Variants in CPT1A observed in about 807,000 individuals in gnomAD.
CPT1A encodes carnitine palmitoyltransferase 1A.
CPT1A carries 64 observed loss-of-function variants against 100.8 expected under a neutral mutation model. The observed-to-expected ratio is 0.63, with a 90% CI of 0.52 to 0.78. The LOEUF is 0.78. Among genes scored for constraint, CPT1A ranks in the 30% least tolerant of loss-of-function variants. The pLI is 0.00. For synonymous variants in CPT1A, 363 were observed against 396.0 expected (o/e 0.92, Z 0.99); for missense variants, 802 against 1,034.1 (o/e 0.78, Z 3.08).
At chr11:68,839,609 A>G (rs1857111401) in intron 1 of CPT1A, 1 of 985,380 alleles carries the variant, frequency 1.0e-6, no homozygotes, top group Non-Finnish European at 1.2e-6. Context: ...CTCGGTGCTC[A>G]GTGCTTCTGA....
intron 1 of CPT1A, among the ~76,000 whole-genome samples, chr11:68,832,973 C>T (rs1344581576): frequency 1.3e-5 from 2 of 152,184 alleles, no homozygotes; most frequent in Admixed American, 6.5e-5. Context: ...GTGTCTCTGG[C>T]GAAGGGCAGG....
At position 68,775,361 on chromosome 11, in the gene CPT1A, C is replaced by T. The variant is rs141303589; in HGVS notation, c.1530G>A (p.Pro510=). The T allele has an allele frequency of 1.7e-5, 28 of 1,614,206 alleles. No homozygotes were observed. The highest frequency in any genetic ancestry group is 3.3e-4 in the Middle Eastern group (2 of 6,062). ...EDGHCKGDIN[P]NIPYPTRLQW... ...GCAGCCTGGTGGGGTACGGAATGTT[C>T]GGATTGATGTCGCCTTTGCAGTGCC... Residue 510 remains proline (P), a synonymous_variant, in exon 13 of 19, where the codon CCG becomes CCA. Transcript: ENST00000265641.
rs182786590 is a variant in CPT1A, at chr11:68,766,087, T to G, written c.1741-3326A>C. 2.8e-3 allele frequency among the ~76,000 whole-genome samples: 427 copies of G among 152,142 alleles called. 2 individuals are homozygous for G. The highest frequency in any genetic ancestry group is 9.9e-3 in the African/African-American group (411 of 41,512). On this transcript the variant is annotated intron_variant, in intron 14 of 18. Coordinates refer to ENST00000265641, the MANE Select transcript of CPT1A (RefSeq NM_001876.4). Reference sequence around the variant, plus strand: ...CGTTTCCCCATGTTGGCCAGGCTGGTCACAAACTCCTGACCTCAAGTGATC... The same window carrying G: ...CGTTTCCCCATGTTGGCCAGGCTGGGCACAAACTCCTGACCTCAAGTGATC...
chr11:68,784,963 G>A lies in CPT1A; in HGVS notation c.1015C>T (p.Arg339Ter), dbSNP rs1435045544. Residue 339 changes from arginine to a stop codon, truncating the protein, a stop_gained, in exon 10 of 19, where the codon CGA becomes TGA. Coordinates refer to ENST00000265641, the MANE Select transcript of CPT1A (RefSeq NM_001876.4). LOFTEE classifies it high-confidence loss of function. Reference sequence around the variant, plus strand: ...AGCCAGACCTTGAAGTAGCGTCCTCGATGGTACACGACGATGTGCTTGCTG... The same window carrying A: ...AGCCAGACCTTGAAGTAGCGTCCTCAATGGTACACGACGATGTGCTTGCTG... The part of the protein sequence containing the change: ...RDSKHIVVYH[R>*]GRYFKVWLYH... 3 of 1,614,008 alleles carry A rather than the reference G, an allele frequency of 1.9e-6. No homozygotes were observed. The highest frequency in any genetic ancestry group is 2.2e-5 in the East Asian group (1 of 44,876).
intron 2 of CPT1A, among the ~76,000 whole-genome samples, chr11:68,813,870 G>T (rs1387826833): frequency 1.3e-5 from 2 of 152,122 alleles, no homozygotes; most frequent in East Asian, 3.9e-4. Flanking sequence ...TGTCACCTTG[G>T]TGGGTTATTT....
intron 16 of CPT1A, among the ~76,000 whole-genome samples, chr11:68,760,965 G>A (rs897298478): frequency 1.3e-5 from 2 of 151,890 alleles, no homozygotes; most frequent in Non-Finnish European, 2.9e-5. Flanking sequence ...AGGTTTCAGT[G>A]AGCCAAGATG....
At chr11:68,838,679 T>C (rs1485032521) in intron 1 of CPT1A, among the ~76,000 whole-genome samples, 1 of 147,550 alleles carries the variant, frequency 6.8e-6, no homozygotes, top group Non-Finnish European at 1.5e-5. Context: ...GCTGAAGCCA[T>C]CCTCCCACCT....
chr11:68,805,636 G>A (rs925316840), intron 4 of CPT1A, among the ~76,000 whole-genome samples: 7 of 152,032 alleles, frequency 4.6e-5, no homozygotes, highest in Non-Finnish European at 7.4e-5. Flanking sequence ...GGCCAAGGTC[G>A]GGGCAGACAA....
At chr11:68,766,407 G>A (rs997874526) in intron 14 of CPT1A, among the ~76,000 whole-genome samples, 5 of 152,168 alleles carry the variant, frequency 3.3e-5, no homozygotes, top group South Asian at 2.1e-4. Context: ...GGTTGAGATC[G>A]GTCTGAATGT....
In CPT1A at chr11:68,762,770, A is replaced by G. The variant is rs541908126; in HGVS notation, c.1741-9T>C. ...CAAAACTTGCCCATGTCCTGGGGAAAGAGAAGTACTTCAGTGCACGGCAGG... is the reference window on the plus strand; with the variant it reads ...CAAAACTTGCCCATGTCCTGGGGAAGGAGAAGTACTTCAGTGCACGGCAGG... On this transcript the variant is annotated splice_polypyrimidine_tract_variant and intron_variant, in intron 14 of 18. Coordinates refer to ENST00000265641, the MANE Select transcript of CPT1A (RefSeq NM_001876.4). The G allele has an allele frequency of 1.2e-6, 2 of 1,614,060 alleles. No homozygotes were observed. Among genetic ancestry groups the G allele is most frequent in the African/African-American group, 2.7e-5 (2 of 75,070 alleles).
At position 68,775,676 on chromosome 11, in the gene CPT1A, G is replaced by A. The variant is rs570762900; in HGVS notation, c.1459-244C>T. ...TGTGACGCTCTCCTTTCACTGGCAA[G>A]TAAACCTAAGCCAATTTATTCAACG... On this transcript the variant is annotated intron_variant, in intron 12 of 18. Coordinates refer to ENST00000265641, the MANE Select transcript of CPT1A (RefSeq NM_001876.4). Among the ~76,000 whole-genome samples the A allele has an allele frequency of 2.6e-5, 4 of 152,304 alleles. No homozygotes were observed. The East Asian group carries it at 7.7e-4, about 29-fold the overall frequency.
intron 12 of CPT1A, 79 bp from the exon 13 acceptor site, chr11:68,775,511 G>C: frequency 8.9e-7 from 1 of 1,123,216 alleles, no homozygotes; most frequent in Non-Finnish European, 1.4e-6. Context: ...AGAGAGGGTT[G>C]TTCTTTGCAG....
rs190806163 is a variant in CPT1A at position 68,761,831 on chromosome 11, G to A, written c.1876-144C>T. The A allele has an allele frequency of 1.4e-3, 1,332 of 937,068 alleles. 1 individual carries two copies. Among genetic ancestry groups the A allele is most frequent in the Admixed American group, 5.1e-3 (263 of 51,918 alleles). 58.0% of individuals were successfully genotyped at this position (937,068 alleles called of 1,614,324 possible). On this transcript the variant is annotated intron_variant, in intron 15 of 18. Transcript: ENST00000265641. ...TCAACATGTTGCCCAGGGTGGTTTCGAACTCCTGAGCTCAGGCAATCCGCC... is the reference window on the plus strand; with the variant it reads ...TCAACATGTTGCCCAGGGTGGTTTCAAACTCCTGAGCTCAGGCAATCCGCC...
chr11:68,840,726 AGACGCT>A (rs943569950), intron 1 of CPT1A, among the ~76,000 whole-genome samples: 1 of 152,210 alleles, frequency 6.6e-6, no homozygotes, highest in African/African-American at 2.4e-5. Flanking sequence ...TACATTATAA[AGACGCT>A]GACCCATGGC....
chr11:68,777,975 A>T (rs1016098936), intron 12 of CPT1A, among the ~76,000 whole-genome samples: 4 of 152,164 alleles, frequency 2.6e-5, no homozygotes, highest in African/African-American at 9.7e-5. Flanking sequence ...TTTTGTCGAC[A>T]TCGCCAAAGA....
chr11:68,828,590 CT>C (rs1199385165), intron 1 of CPT1A, among the ~76,000 whole-genome samples: 1 of 152,176 alleles, frequency 6.6e-6, no homozygotes, highest in Non-Finnish European at 1.5e-5. Flanking sequence ...CCCCAGCACG[CT>C]GGGAGAAGGG....
rs1177976460 is a variant in CPT1A at position 68,838,571 on chromosome 11, T to TAAAAAAAAAAAAAAAAAA, written c.-14+3203_-14+3204insTTTTTTTTTTTTTTTTTT. 6.8e-3 allele frequency among the ~76,000 whole-genome samples: 508 copies of TAAAAAAAAAAAAAAAAAA among 74,214 alleles called. 52 individuals are homozygous for TAAAAAAAAAAAAAAAAAA. The highest frequency in any genetic ancestry group is 0.025 in the East Asian group (43 of 1,742). The allele number at this position is 74,214 out of a possible 152,430, so 48.7% of individuals were successfully genotyped here. ...GACTCTACTCTGTATCTGCACCTTTTTAAAAAAAAAAAAAAAAAAACAGAG... is the reference window on the plus strand; with the variant it reads ...GACTCTACTCTGTATCTGCACCTTTTAAAAAAAAAAAAAAAAAATAAAAAAAAAAAAAAAAAAACAGAG... On this transcript the variant is annotated intron_variant, in intron 1 of 18. Coordinates refer to ENST00000265641, the MANE Select transcript of CPT1A (RefSeq NM_001876.4).
At chr11:68,808,727 AT>A (rs1856116544) in intron 3 of CPT1A, among the ~76,000 whole-genome samples, 1 of 151,920 alleles carries the variant, frequency 6.6e-6, no homozygotes, top group Admixed American at 6.6e-5. Context: ...ACTGCAAAAT[AT>A]TTTTTAAATG....
intron 1 of CPT1A, among the ~76,000 whole-genome samples, chr11:68,831,196 A>G (rs899867627): frequency 9.9e-5 from 15 of 152,144 alleles, no homozygotes; most frequent in Admixed American, 7.9e-4. Context: ...TCATTGGCCT[A>G]TGAATCCTAA....
Sources: allele counts gnomAD v4.1 joint callset (sites outside exome capture counted in the v4.1 genomes callset), GRCh38; gene constraint gnomAD v4.1.1; transcripts MANE v1.5; gene names NCBI Gene and HGNC (gene_info 2026-07-23, HGNC 2026-07-21).